Variants in SNX7 observed in about 807,000 individuals in gnomAD.
SNX7 encodes the protein sorting nexin 7, also known as sorting nexin-7.
SNX7 carries 35 observed loss-of-function variants against 48.4 expected under a neutral mutation model. That is an observed-to-expected ratio of 0.72 (90% CI 0.55 to 0.96). SNX7 has a LOEUF of 0.96. Ranked by LOEUF, SNX7 falls within the 40% of genes least tolerant of loss-of-function variation. The pLI is 0.00. For missense variants in SNX7, 553 were observed against 548.9 expected (o/e 1.01, Z -0.07); for synonymous variants, 190 against 190.2 (o/e 1.00, Z 0.01).
At chr1:98,752,515 A>T (rs1419237069) in intron 8 of SNX7, among the ~76,000 whole-genome samples, 2 of 152,020 alleles carry the variant, frequency 1.3e-5, no homozygotes, top group African/African-American at 4.8e-5. Context: ...AAAAAACCAT[A>T]TTGGTCAGCA....
intron 8 of SNX7, among the ~76,000 whole-genome samples, chr1:98,759,363 T>G (rs1055956433): frequency 1.3e-5 from 2 of 152,060 alleles, no homozygotes; most frequent in African/African-American, 4.8e-5. Flanking sequence ...GAGACTAGTC[T>G]ATTAGGAGGA....
In SNX7 at chr1:98,689,624, A is replaced by G. The variant is rs1028850873; in HGVS notation, c.364-1451A>G. 3.9e-5 allele frequency among the ~76,000 whole-genome samples: 6 copies of G among 151,952 alleles called. No homozygotes were observed. In the East Asian group the frequency reaches 5.8e-4, roughly 15 times the overall value. On this transcript the variant is annotated intron_variant, in intron 2 of 8. Coordinates refer to ENST00000306121, the MANE Select transcript of SNX7 (RefSeq NM_015976.5). ...CTGGTTTTTTTCTTTTGAGTGCTTC[A>G]TTGTTCGTTATGGCAATTTATATTC...
At chr1:98,663,922 G>A (rs867946595) in intron 1 of SNX7, among the ~76,000 whole-genome samples, 7 of 152,202 alleles carry the variant, frequency 4.6e-5, no homozygotes, top group Admixed American at 1.3e-4. Context: ...TCCAACAAGA[G>A]TAGTTGGAAA....
chr1:98,748,203 C>T (rs760677033), intron 8 of SNX7, among the ~76,000 whole-genome samples: 6 of 151,946 alleles, frequency 3.9e-5, no homozygotes, highest in Non-Finnish European at 8.8e-5. Context: ...CCAGGCTGGT[C>T]TCAAACTCCT....
intron 2 of SNX7, 65 bp downstream of exon 2, chr1:98,685,132 C>T (rs564329944): frequency 3.0e-6 from 3 of 988,168 alleles, no homozygotes; most frequent in Admixed American, 6.6e-5. Context: ...AAGTAAGTAC[C>T]TCTTGTTCAT....
At chr1:98,726,169 C>A (rs1207583680) in intron 7 of SNX7, among the ~76,000 whole-genome samples, 1 of 152,176 alleles carries the variant, frequency 6.6e-6, no homozygotes, top group Non-Finnish European at 1.5e-5. Flanking sequence ...TGCATTCACA[C>A]AGTTAGGACT....
chr1:98,708,501 C>T (rs1370958126), intron 7 of SNX7, among the ~76,000 whole-genome samples: 2 of 152,090 alleles, frequency 1.3e-5, no homozygotes, highest in African/African-American at 4.8e-5. Flanking sequence ...CAGAACGTAA[C>T]GTGGAGAGTA....
Position 98,695,614 on chromosome 1 carries a change from C to T in SNX7, c.736C>T (p.Arg246Cys), listed in dbSNP as rs373205340. 23 of 1,613,948 alleles carry T rather than the reference C, an allele frequency of 1.4e-5. No individual in the cohort carries two copies. The highest frequency in any genetic ancestry group is 2.2e-5 in the East Asian group (1 of 44,866). ...GTCCTCAATGAGAGGAGTTAAAAAC[C>T]GCCCAGAGGAGTTCATGGAAATGAA... The part of the protein sequence containing the change: ...VASSMRGVKN[R>C]PEEFMEMNNF... Residue 246 changes from arginine to cysteine, a missense_variant, in exon 5 of 9, where the codon CGC becomes TGC. Arg to Cys is a radical substitution (Grantham distance 180). Transcript: ENST00000306121.
At chr1:98,720,253 T>G (rs1324933695) in intron 7 of SNX7, among the ~76,000 whole-genome samples, 1 of 152,052 alleles carries the variant, frequency 6.6e-6, no homozygotes, top group Non-Finnish European at 1.5e-5. Context: ...ATCAAATACC[T>G]GAATCATGAG....
At chr1:98,690,531 C>T (rs1651060539) in intron 2 of SNX7, among the ~76,000 whole-genome samples, 2 of 152,042 alleles carry the variant, frequency 1.3e-5, no homozygotes, top group South Asian at 4.1e-4. Flanking sequence ...ACTTTTTAAA[C>T]AGTGGTAAAA....
At chr1:98,725,321 G>A (rs1384690459) in intron 7 of SNX7, among the ~76,000 whole-genome samples, 1 of 152,186 alleles carries the variant, frequency 6.6e-6, no homozygotes, top group Non-Finnish European at 1.5e-5. Flanking sequence ...AGAAAAACAT[G>A]TTAAAGCATT....
Position 98,681,217 on chromosome 1 carries a change from A to G in SNX7, c.181-3668A>G, listed in dbSNP as rs563106051. ...TCAGATCTCATGAGACTTATTCACT[A>G]TCAGGAGAACAGCACGGGAAAGACC... On this transcript the variant is annotated intron_variant, in intron 1 of 8. Coordinates refer to ENST00000306121, the MANE Select transcript of SNX7 (RefSeq NM_015976.5). Among the ~76,000 whole-genome samples, 22 of 152,308 alleles carry G rather than the reference A, an allele frequency of 1.4e-4. No homozygotes were observed. In the South Asian group the frequency reaches 4.6e-3, roughly 32 times the overall value.
chr1:98,699,254 C>T (rs1651631311), intron 6 of SNX7, among the ~76,000 whole-genome samples: 1 of 152,112 alleles, frequency 6.6e-6, no homozygotes, highest in Non-Finnish European at 1.5e-5. Flanking sequence ...GAAAGAACTG[C>T]TCTCCTGCTT....
chr1:98,695,024 G>A (rs1570529159), intron 4 of SNX7, among the ~76,000 whole-genome samples: 1 of 152,084 alleles, frequency 6.6e-6, no homozygotes, highest in East Asian at 1.9e-4. Flanking sequence ...GTATTAAAAT[G>A]TCAGTATAGT....
At chr1:98,733,716 A>G (rs1297305926) in intron 7 of SNX7, among the ~76,000 whole-genome samples, 1 of 151,606 alleles carries the variant, frequency 6.6e-6, no homozygotes, top group Non-Finnish European at 1.5e-5. Flanking sequence ...TTCCCCCTCC[A>G]TTTTCGTTCC....
intron 7 of SNX7, among the ~76,000 whole-genome samples, chr1:98,722,817 A>T (rs12728686): frequency 0.26 from 38,988 of 150,508 alleles, 5,278 homozygotes; most frequent in South Asian, 0.3. Flanking sequence ...AAGAATAACT[A>T]TCATCCTCAA....
chr1:98,720,786 T>G (rs1652824928), intron 7 of SNX7, among the ~76,000 whole-genome samples: 2 of 152,144 alleles, frequency 1.3e-5, no homozygotes, highest in African/African-American at 4.8e-5. Flanking sequence ...TGGATTTGTT[T>G]TACAGTATGT....
chr1:98,751,122 C>A (rs1363794496), intron 8 of SNX7, among the ~76,000 whole-genome samples: 1 of 151,974 alleles, frequency 6.6e-6, no homozygotes, highest in Non-Finnish European at 1.5e-5. Flanking sequence ...TCTTCATATC[C>A]CACAAGCTTG....
intron 7 of SNX7, among the ~76,000 whole-genome samples, chr1:98,725,034 G>C (rs970499441): frequency 6.6e-6 from 1 of 152,082 alleles, no homozygotes; most frequent in Non-Finnish European, 1.5e-5. Context: ...TTTTACCAAA[G>C]GAGTTTACTT....
Sources: allele counts gnomAD v4.1 joint callset (sites outside exome capture counted in the v4.1 genomes callset), GRCh38; gene constraint gnomAD v4.1.1; transcripts MANE v1.5; gene names NCBI Gene and HGNC (gene_info 2026-07-23, HGNC 2026-07-21).